Variants in ANKS1B observed in about 807,000 individuals in gnomAD.
ANKS1B encodes the protein ankyrin repeat and sterile alpha motif domain-containing protein 1B.
ANKS1B carries 36 observed loss-of-function variants against 148.3 expected under a neutral mutation model. That is an observed-to-expected ratio of 0.24 (90% confidence interval 0.19 to 0.32). The LOEUF (loss-of-function observed/expected upper bound fraction) is 0.32, where lower values mean the gene tolerates loss of function less well. Among genes scored for constraint, ANKS1B ranks in the 10% least tolerant of loss-of-function variants. The pLI is 1.00. For synonymous variants in ANKS1B, 542 were observed against 560.8 expected, an observed-to-expected ratio of 0.97 and a Z score of 0.47; for missense variants, 1,157 against 1,542.6, an observed-to-expected ratio of 0.75 and a Z score of 4.19.
chr12:99,812,427 T>C, intron 2 of ANKS1B, 116 bp from the exon 3 acceptor site: 1 of 1,163,570 alleles, frequency 8.6e-7, no homozygotes, highest in South Asian at 1.7e-5. Context: ...TCATTCAAGG[T>C]ACTAAGATAT....
chr12:99,904,170 A>C (rs1344982827), intron 1 of ANKS1B, among the ~76,000 whole-genome samples: 2 of 149,164 alleles, frequency 1.3e-5, no homozygotes, highest in Non-Finnish European at 3.0e-5. Flanking sequence ...CACTTATTCC[A>C]TTTACATCTG....
At chr12:99,670,342 A>G (rs1273053256) in intron 8 of ANKS1B, among the ~76,000 whole-genome samples, 2 of 152,152 alleles carry the variant, frequency 1.3e-5, no homozygotes, top group Non-Finnish European at 2.9e-5. Flanking sequence ...CTAGGAAAAC[A>G]ATCTCACCTG....
At chr12:99,084,882 T>C in intron 16 of ANKS1B, 43 bp downstream of exon 16, 3 of 1,496,292 alleles carry the variant, frequency 2.0e-6, no homozygotes, top group Non-Finnish European at 2.7e-6. Context: ...TCAAAATCAC[T>C]GGGAACCGTA....
chr12:99,445,702 G>A (rs1016669730), intron 10 of ANKS1B, among the ~76,000 whole-genome samples: 2 of 151,774 alleles, frequency 1.3e-5, no homozygotes, highest in South Asian at 2.1e-4. Flanking sequence ...CCCTGCCCTC[G>A]AGAAGTATAC....
At chr12:98,857,527 T>C (rs1416629429) in intron 17 of ANKS1B, among the ~76,000 whole-genome samples, 1 of 151,514 alleles carries the variant, frequency 6.6e-6, no homozygotes. Context: ...AGTAGGTGAG[T>C]CTGGGTGTTA....
At chr12:99,656,723 G>C (rs1269203627) in intron 8 of ANKS1B, among the ~76,000 whole-genome samples, 1 of 151,730 alleles carries the variant, frequency 6.6e-6, no homozygotes, top group Non-Finnish European at 1.5e-5. Flanking sequence ...TTCACTCTAA[G>C]AGCCTGCTGA....
intron 9 of ANKS1B, among the ~76,000 whole-genome samples, chr12:99,620,302 A>G (rs1359029218): frequency 1.3e-5 from 2 of 152,196 alleles, no homozygotes; most frequent in African/African-American, 2.4e-5. Flanking sequence ...CCAGATGAGA[A>G]AGATTCTGGC....
chr12:99,639,065 G>A (rs1441387122), intron 9 of ANKS1B, among the ~76,000 whole-genome samples: 1 of 146,628 alleles, frequency 6.8e-6, no homozygotes, highest in Non-Finnish European at 1.5e-5. Context: ...TTGCTCTAGG[G>A]GCAGAGTCCT....
intron 22 of ANKS1B, among the ~76,000 whole-genome samples, chr12:98,786,983 A>G (rs531477486): frequency 6.6e-6 from 1 of 152,210 alleles, no homozygotes; most frequent in Non-Finnish European, 1.5e-5. Flanking sequence ...CTAGTTAGAT[A>G]TTCAGTCCTG....
chr12:99,039,688 G>GTTTA (rs1262213586), intron 17 of ANKS1B, among the ~76,000 whole-genome samples: 9 of 151,216 alleles, frequency 6.0e-5, no homozygotes, highest in African/African-American at 2.2e-4. Flanking sequence ...TTGTTTGTTT[G>GTTTA]TTTATTTATT....
downstream of ANKS1B, among the ~76,000 whole-genome samples, chr12:98,743,352 T>TATC (rs71436934): frequency 0.14 from 21,959 of 152,224 alleles, 1,773 homozygotes; most frequent in Non-Finnish European, 0.19. Flanking sequence ...AACTCAGATT[T>TATC]ATCATAGAAT....
chr12:99,641,815 G>A (rs1324083935), intron 9 of ANKS1B, among the ~76,000 whole-genome samples: 1 of 152,050 alleles, frequency 6.6e-6, no homozygotes, highest in East Asian at 1.9e-4. Context: ...TTGAACAGTA[G>A]ACACTATACA....
intron 25 of ANKS1B, among the ~76,000 whole-genome samples, chr12:98,763,363 G>T (rs1350925903): frequency 1.3e-5 from 2 of 152,192 alleles, no homozygotes; most frequent in African/African-American, 2.4e-5. Flanking sequence ...AATAAATAGT[G>T]CCCAATCATA....
At chr12:98,895,722 G>A (rs989157067) in intron 17 of ANKS1B, among the ~76,000 whole-genome samples, 7 of 152,250 alleles carry the variant, frequency 4.6e-5, no homozygotes, top group African/African-American at 1.7e-4. Flanking sequence ...TCCTGCCTCC[G>A]GTTTCCACCA....
At chr12:99,289,097 CA>C (rs995081464) in intron 12 of ANKS1B, among the ~76,000 whole-genome samples, 2 of 150,890 alleles carry the variant, frequency 1.3e-5, no homozygotes, top group African/African-American at 4.9e-5. Flanking sequence ...AAATGAAAGC[CA>C]AAAAAAGGGC....
chr12:99,214,678 C>T (rs1294045091), intron 14 of ANKS1B, among the ~76,000 whole-genome samples: 1 of 152,170 alleles, frequency 6.6e-6, no homozygotes, highest in Non-Finnish European at 1.5e-5. Context: ...TAAGAGTAAA[C>T]TGGTACCAGT....
At chr12:99,549,393 T>C (rs1006539218) in intron 9 of ANKS1B, among the ~76,000 whole-genome samples, 11 of 152,162 alleles carry the variant, frequency 7.2e-5, no homozygotes, top group African/African-American at 2.7e-4. Flanking sequence ...AAGCAGATGG[T>C]TTTTGAAGTC....
At chr12:98,742,013 T>C (rs1008027908), downstream of ANKS1B, among the ~76,000 whole-genome samples, 1 of 152,238 alleles carries the variant, frequency 6.6e-6, no homozygotes, top group Non-Finnish European at 1.5e-5. Context: ...TATTACCACA[T>C]TGTGAGCTGA....
chr12:99,718,361 C>A (rs372150528), intron 8 of ANKS1B, among the ~76,000 whole-genome samples: 16 of 152,178 alleles, frequency 1.1e-4, no homozygotes, highest in South Asian at 6.2e-4. Context: ...CCTTTGCGTC[C>A]TCCTCTTGTA....
Sources: allele counts gnomAD v4.1 joint callset (sites outside exome capture counted in the v4.1 genomes callset), GRCh38; gene constraint gnomAD v4.1.1; transcripts MANE v1.5; gene names NCBI Gene and HGNC (gene_info 2026-07-23, HGNC 2026-07-21).